RASEF: variants seen among roughly 807,000 people sequenced by gnomAD.
RASEF encodes ras and EF-hand domain-containing protein.
In RASEF, 68 loss-of-function variants were observed where a neutral mutation model predicts 90.1. That is an observed-to-expected ratio of 0.75 (90% CI 0.62 to 0.92). The LOEUF (loss-of-function observed/expected upper bound fraction) is 0.92, where lower values mean the gene tolerates loss of function less well. Among genes scored for constraint, RASEF ranks in the 40% least tolerant of loss-of-function variants. The pLI is 0.00. For synonymous variants in RASEF, 331 were observed against 345.2 expected (o/e 0.96, Z 0.46); for missense variants, 949 against 937.2 (o/e 1.01, Z -0.16).
At chr9:83,163,098 A>G in the RASEF span, among the ~76,000 whole-genome samples, 8 of 152,322 alleles carry the variant, frequency 5.3e-5, no homozygotes, top group African/African-American at 1.9e-4. Flanking sequence ...ACCTGGGAGA[A>G]AAGAAATACC....
the RASEF span, among the ~76,000 whole-genome samples, chr9:83,171,366 A>T: frequency 6.6e-6 from 1 of 151,866 alleles, no homozygotes; most frequent in Non-Finnish European, 1.5e-5. Flanking sequence ...TATGTTCATC[A>T]ATGATATTGG....
intron 13 of RASEF, 93 bp downstream of exon 13, chr9:82,998,272 T>TGAGTACGCAGG: frequency 1.5e-6 from 1 of 685,444 alleles, no homozygotes; most frequent in Non-Finnish European, 2.6e-6. Context: ...TATGTTATAA[T>TGAGTACGCAGG]TATAGAATTT....
chr9:83,026,376 A>G (rs1406393067), intron 1 of RASEF, among the ~76,000 whole-genome samples: 8 of 152,168 alleles, frequency 5.3e-5, no homozygotes, highest in Admixed American at 3.9e-4. Flanking sequence ...TTATACATAA[A>G]AGAGCTTTTA....
At chr9:83,034,076 C>T (rs1829695862) in intron 1 of RASEF, among the ~76,000 whole-genome samples, 1 of 152,138 alleles carries the variant, frequency 6.6e-6, no homozygotes, top group African/African-American at 2.4e-5. Flanking sequence ...GGGCCAAATC[C>T]AGCTATGCTA....
the RASEF span, among the ~76,000 whole-genome samples, chr9:83,117,511 C>T: frequency 1.1e-4 from 17 of 152,152 alleles, no homozygotes; most frequent in African/African-American, 4.1e-4. Flanking sequence ...TCCTGCTGAG[C>T]GTGGGAACAA....
chr9:83,128,660 A>G, the RASEF span, among the ~76,000 whole-genome samples: 5 of 151,852 alleles, frequency 3.3e-5, no homozygotes, highest in African/African-American at 4.8e-5. Context: ...TCACCCTTCA[A>G]TTGTCAGCAT....
chr9:83,160,664 G>T, the RASEF span, among the ~76,000 whole-genome samples: 1 of 152,200 alleles, frequency 6.6e-6, no homozygotes, highest in Non-Finnish European at 1.5e-5. Context: ...GTAATGAGGA[G>T]CCAAATGTTA....
the RASEF span, among the ~76,000 whole-genome samples, chr9:83,156,267 C>A: frequency 6.6e-6 from 1 of 152,218 alleles, no homozygotes; most frequent in Non-Finnish European, 1.5e-5. Flanking sequence ...ATTTCAACCT[C>A]TTCTTCAGGA....
At chr9:83,013,759 C>A (rs1829292614) in intron 4 of RASEF, among the ~76,000 whole-genome samples, 1 of 152,126 alleles carries the variant, frequency 6.6e-6, no homozygotes, top group African/African-American at 2.4e-5. Context: ...ATATTTATAC[C>A]TTCCTCAGAG....
At chr9:83,090,086 G>A in the RASEF span, among the ~76,000 whole-genome samples, 12 of 151,858 alleles carry the variant, frequency 7.9e-5, no homozygotes, top group Non-Finnish European at 1.3e-4. Flanking sequence ...ACTTATCTTC[G>A]GGTTCATCAA....
the RASEF span, among the ~76,000 whole-genome samples, chr9:83,187,851 C>A: frequency 6.6e-6 from 1 of 152,208 alleles, no homozygotes; most frequent in South Asian, 2.1e-4. Context: ...CTACTCGATA[C>A]TTTGCTTTTC....
chr9:83,054,803 C>G (rs928239802), intron 1 of RASEF: 1 of 150,272 alleles, frequency 6.7e-6, no homozygotes, highest in Non-Finnish European at 1.5e-5. Flanking sequence ...AATACCCTGC[C>G]GTGTGAGGTG....
intron 1 of RASEF, among the ~76,000 whole-genome samples, chr9:83,026,750 T>C (rs1829556679): frequency 6.6e-6 from 1 of 152,294 alleles, no homozygotes; most frequent in South Asian, 2.1e-4. Context: ...CATTTTTATA[T>C]ATATTTGCAT....
the RASEF span, among the ~76,000 whole-genome samples, chr9:83,195,365 A>G: frequency 1.3e-5 from 2 of 152,174 alleles, no homozygotes; most frequent in African/African-American, 2.4e-5. Flanking sequence ...TAGTTGTCTG[A>G]CAGTCCAAAG....
chr9:83,014,003 G>A (rs1037300528), intron 4 of RASEF, among the ~76,000 whole-genome samples: 4 of 152,172 alleles, frequency 2.6e-5, no homozygotes, highest in Non-Finnish European at 4.4e-5. Flanking sequence ...TTACTGTTCA[G>A]ACCACTTGGG....
At chr9:82,983,140 C>T (rs934261118) in intron 16 of RASEF, among the ~76,000 whole-genome samples, 1 of 144,410 alleles carries the variant, frequency 6.9e-6, no homozygotes, top group Non-Finnish European at 1.5e-5. Context: ...CACACACACA[C>T]ACACACACAC....
the RASEF span, among the ~76,000 whole-genome samples, chr9:83,189,305 TG>T: frequency 6.6e-6 from 1 of 152,214 alleles, no homozygotes; most frequent in Non-Finnish European, 1.5e-5. Context: ...CTTCCACTTC[TG>T]CAATGATTCT....
chr9:83,173,444 TCTGA>T, the RASEF span, among the ~76,000 whole-genome samples: 1 of 151,794 alleles, frequency 6.6e-6, no homozygotes, highest in Non-Finnish European at 1.5e-5. Context: ...TTTTTTCTCC[TCTGA>T]CTGTGTATTT....
the RASEF span, among the ~76,000 whole-genome samples, chr9:83,203,319 G>A: frequency 2.7e-5 from 4 of 150,142 alleles, no homozygotes; most frequent in East Asian, 3.9e-4. Flanking sequence ...TCTGTCACCC[G>A]GGCTGCAGTG....
Sources: allele counts gnomAD v4.1 joint callset (sites outside exome capture counted in the v4.1 genomes callset), GRCh38; gene constraint gnomAD v4.1.1; transcripts MANE v1.5; gene names NCBI Gene and HGNC (gene_info 2026-07-23, HGNC 2026-07-21).